Variants in KCNMB2 observed in about 807,000 individuals in gnomAD.
KCNMB2 encodes the protein calcium-activated potassium channel subunit beta-2.
Under a neutral mutation model 24.5 loss-of-function variants are expected in KCNMB2, and 9 were observed. The observed-to-expected ratio is 0.37, with a 90% CI of 0.22 to 0.64. The LOEUF is 0.64. Among genes scored for constraint, KCNMB2 ranks in the 30% least tolerant of loss-of-function variants. The pLI, the probability that KCNMB2 is intolerant of heterozygous loss-of-function variation, is 0.63. For missense variants in KCNMB2, 226 were observed against 284.3 expected (o/e 0.79, Z 1.47); for synonymous variants, 109 against 104.4 (o/e 1.04, Z -0.27).
chr3:178,773,514 G>A (rs1490089178), intron 1 of KCNMB2, among the ~76,000 whole-genome samples: 5 of 151,940 alleles, frequency 3.3e-5, no homozygotes, highest in African/African-American at 4.8e-5. Context: ...CTGAGACACC[G>A]TAACACAAAG....
chr3:178,642,439 C>A (rs1260507962), intron 1 of KCNMB2, among the ~76,000 whole-genome samples: 1 of 152,146 alleles, frequency 6.6e-6, no homozygotes, highest in Non-Finnish European at 1.5e-5. Flanking sequence ...CACCCACCAC[C>A]AGCACCACCC....
chr3:178,793,514 T>TGGGGG (rs764580123), intron 1 of KCNMB2, among the ~76,000 whole-genome samples: 34 of 145,760 alleles, frequency 2.3e-4, no homozygotes, highest in Non-Finnish European at 4.8e-4. Context: ...CTCTTCACCC[T>TGGGGG]GGGGGGGTGG....
chr3:178,825,311 A>G (rs1307688586), intron 2 of KCNMB2, among the ~76,000 whole-genome samples: 1 of 152,204 alleles, frequency 6.6e-6, no homozygotes, highest in East Asian at 1.9e-4. Flanking sequence ...ATTAGATAGA[A>G]GGAAAATTAA....
chr3:178,733,505 G>C (rs1019503576), intron 1 of KCNMB2, among the ~76,000 whole-genome samples: 3 of 152,144 alleles, frequency 2.0e-5, no homozygotes, highest in Non-Finnish European at 4.4e-5. Flanking sequence ...TTTTGAGACA[G>C]AGTCTCGCTC....
At chr3:178,549,178 A>G (rs1715864109) in intron 1 of KCNMB2, among the ~76,000 whole-genome samples, 1 of 152,216 alleles carries the variant, frequency 6.6e-6, no homozygotes, top group Non-Finnish European at 1.5e-5. Flanking sequence ...ATAAATGAAT[A>G]TAGTAATGCT....
At chr3:178,754,123 C>T (rs560349949) in intron 1 of KCNMB2, among the ~76,000 whole-genome samples, 1 of 140,934 alleles carries the variant, frequency 7.1e-6, no homozygotes, top group African/African-American at 2.7e-5. Context: ...AGGATGCCCC[C>T]TTTTCATGGC....
At chr3:178,818,968 T>C (rs1401202906) in intron 2 of KCNMB2, among the ~76,000 whole-genome samples, 1 of 152,160 alleles carries the variant, frequency 6.6e-6, no homozygotes, top group Non-Finnish European at 1.5e-5. Context: ...AAGACTTAGT[T>C]TGGTCCGTCA....
At chr3:178,664,911 A>G (rs749133002) in intron 1 of KCNMB2, among the ~76,000 whole-genome samples, 5 of 152,152 alleles carry the variant, frequency 3.3e-5, no homozygotes, top group Non-Finnish European at 7.4e-5. Context: ...TATACAAAAG[A>G]ACAAAGGAAA....
chr3:178,764,894 T>G (rs1197535724), intron 1 of KCNMB2, among the ~76,000 whole-genome samples: 1 of 152,186 alleles, frequency 6.6e-6, no homozygotes, highest in Non-Finnish European at 1.5e-5. Context: ...TAAATAGCTA[T>G]TTAACTCACT....
At chr3:178,799,653 T>C (rs1459372370) in intron 1 of KCNMB2, among the ~76,000 whole-genome samples, 4 of 152,000 alleles carry the variant, frequency 2.6e-5, no homozygotes, top group African/African-American at 7.3e-5. Context: ...CCAATGACAT[T>C]CTCCACAGAA....
intron 1 of KCNMB2, among the ~76,000 whole-genome samples, chr3:178,739,338 A>G (rs1365702448): frequency 6.6e-6 from 1 of 152,244 alleles, no homozygotes; most frequent in Non-Finnish European, 1.5e-5. Context: ...ATACAAAAGT[A>G]ACAGGCCATT....
At chr3:178,616,574 G>GT (rs1718713847) in intron 1 of KCNMB2, among the ~76,000 whole-genome samples, 2 of 152,138 alleles carry the variant, frequency 1.3e-5, no homozygotes, top group Non-Finnish European at 2.9e-5. Flanking sequence ...ATTCAGAACT[G>GT]TTTTTTTCTT....
chr3:178,614,333 GTA>G (rs56220619), intron 1 of KCNMB2, among the ~76,000 whole-genome samples: 7 of 108,558 alleles, frequency 6.4e-5, no homozygotes, highest in South Asian at 3.0e-4. Context: ...ATATATGTAT[GTA>G]TATATATATA....
At position 178,615,465 on chromosome 3, in the gene KCNMB2, C is replaced by T. The variant is rs115172743; in HGVS notation, c.-68+78754C>T. Among the ~76,000 whole-genome samples the T allele has an allele frequency of 8.0e-3, 1,222 of 152,306 alleles. 12 individuals carry two copies. Among genetic ancestry groups the T allele is most frequent in the African/African-American group, 0.028 (1,158 of 41,554 alleles). ...TACCTGCTGTACTATTGTATTGAGG[C>T]TGAGCTGGCAGTCAAATCACAGACG... On this transcript the variant is annotated intron_variant, in intron 1 of 4. Coordinates refer to ENST00000452583, the MANE Select transcript of KCNMB2 (RefSeq NM_181361.3).
At chr3:178,711,158 GA>G (rs983237523) in intron 1 of KCNMB2, among the ~76,000 whole-genome samples, 2 of 152,206 alleles carry the variant, frequency 1.3e-5, no homozygotes, top group Non-Finnish European at 2.9e-5. Context: ...AAAGTGATGA[GA>G]AAATGGCACT....
chr3:178,537,056 CTT>C (rs1576995918), intron 1 of KCNMB2, among the ~76,000 whole-genome samples: 1 of 152,076 alleles, frequency 6.6e-6, no homozygotes, highest in East Asian at 1.9e-4. Flanking sequence ...CGAGTGAAGA[CTT>C]TGGTGGGTGG....
intron 1 of KCNMB2, among the ~76,000 whole-genome samples, chr3:178,551,218 G>T (rs1036642459): frequency 6.6e-6 from 1 of 152,110 alleles, no homozygotes; most frequent in South Asian, 2.1e-4. Flanking sequence ...GGCTGTGAGG[G>T]CTTTTTAGTA....
chr3:178,780,052 T>TAA (rs1560018444), intron 1 of KCNMB2, among the ~76,000 whole-genome samples: 28 of 118,126 alleles, frequency 2.4e-4, no homozygotes, highest in Middle Eastern at 4.2e-3. Flanking sequence ...GTTGTTTTTT[T>TAA]TAAAAAAAAA....
At chr3:178,754,271 T>C (rs1723954078) in intron 1 of KCNMB2, among the ~76,000 whole-genome samples, 1 of 150,910 alleles carries the variant, frequency 6.6e-6, no homozygotes, top group Non-Finnish European at 1.5e-5. Context: ...TCTTAGCTAG[T>C]GTAGTAATGC....
Sources: gnomAD v4.1 joint callset for allele counts (sites outside exome capture counted in the v4.1 genomes callset) on GRCh38, gnomAD v4.1.1 for gene constraint, MANE v1.5 for transcripts, NCBI Gene and HGNC (gene_info 2026-07-23, HGNC 2026-07-21) for gene names.